The following GRAMD4 variants were observed in gnomAD, a reference collection of about 807,000 sequenced individuals.
GRAMD4 encodes GRAM domain-containing protein 4.
Under a neutral mutation model 83.9 loss-of-function variants are expected in GRAMD4, and 25 were observed. The ratio of observed to expected loss-of-function variants is 0.30; its 90% CI spans 0.22 to 0.42. The LOEUF is 0.42. Ranked by LOEUF, GRAMD4 falls within the 10% of genes least tolerant of loss-of-function variation. The pLI, the probability that GRAMD4 is intolerant of heterozygous loss-of-function variation, is 1.00. For missense variants in GRAMD4, 593 were observed against 788.7 expected (o/e 0.75, Z 2.97); for synonymous variants, 336 against 320.9 (o/e 1.05, Z -0.50).
chr22:46,654,452 G>A (rs1047065325), intron 3 of GRAMD4, among the ~76,000 whole-genome samples: 1 of 152,218 alleles, frequency 6.6e-6, no homozygotes, highest in African/African-American at 2.4e-5. Context: ...GGCGTGTGAT[G>A]ATTACCTGAG....
chr22:46,640,931 G>A (rs1420654318), intron 3 of GRAMD4, among the ~76,000 whole-genome samples: 2 of 151,158 alleles, frequency 1.3e-5, no homozygotes, highest in African/African-American at 2.4e-5. Context: ...CAAAAGCCAC[G>A]AGTCTAATAT....
In GRAMD4 at chr22:46,672,286, C is replaced by G. The variant is rs779765023; in HGVS notation, c.1085-557C>G. ...TGACAGTATCGGGGAGAAAACGGAGCTGGTGGAGGGGAACTTGCGAGGGCG... is the reference window on the plus strand; with the variant it reads ...TGACAGTATCGGGGAGAAAACGGAGGTGGTGGAGGGGAACTTGCGAGGGCG... On this transcript the variant is annotated intron_variant, in intron 13 of 18. Transcript: ENST00000406902. The surrounding 1 kb of genome is among the most constrained non-coding windows in gnomAD (Gnocchi z 4.7). Among the ~76,000 whole-genome samples the G allele has an allele frequency of 1.3e-5, 2 of 151,924 alleles. No individual in the cohort carries two copies. Among genetic ancestry groups the G allele is most frequent in the Non-Finnish European group, 2.9e-5 (2 of 67,992 alleles).
Position 46,656,178 on chromosome 22 carries a change from G to A in GRAMD4, c.284-2009G>A, listed in dbSNP as rs188885202. Reference sequence around the variant, plus strand: ...GGAGAAGGGCCGATCCCAGCGGGCCGGGGAGCAGGGCAGAGCTCCAGCACC... The same window carrying A: ...GGAGAAGGGCCGATCCCAGCGGGCCAGGGAGCAGGGCAGAGCTCCAGCACC... On this transcript the variant is annotated intron_variant, in intron 3 of 18. Transcript: ENST00000406902. 3.6e-3 allele frequency among the ~76,000 whole-genome samples: 549 copies of A among 152,350 alleles called. 1 individual carries two copies. Among genetic ancestry groups the A allele is most frequent in the Admixed American group, 8.4e-3 (128 of 15,304 alleles).
chr22:46,586,585 C>T (rs2081152224), intron 1 of GRAMD4, among the ~76,000 whole-genome samples: 1 of 152,208 alleles, frequency 6.6e-6, no homozygotes, highest in South Asian at 2.1e-4. Context: ...CCCCATGACA[C>T]AGAGACGAGG....
chr22:46,679,015 T>C lies in GRAMD4; in HGVS notation c.*1764T>C. 1.0e-6 allele frequency: 1 copy of C among 985,696 alleles called. No individual in the cohort carries two copies. The highest frequency in any genetic ancestry group is 5.2e-4 in the Middle Eastern group (1 of 1,916). The allele number at this position is 985,696 out of a possible 1,614,324, so 61.1% of individuals were successfully genotyped here. On this transcript the variant is annotated 3_prime_UTR_variant, in exon 19 of 19. Coordinates refer to ENST00000406902, the MANE Select transcript of GRAMD4 (RefSeq NM_015124.5). The stretch of plus-strand genomic sequence containing the variant: ...GGCTCCTGTAGGGGACTGGCTCTCT[T>C]GGTGCACCAGGGGAGGGGGACATAT...
At chr22:46,663,714 A>AG in intron 6 of GRAMD4, 124 bp from the exon 7 acceptor site, 1 of 915,762 alleles carries the variant, frequency 1.1e-6, no homozygotes, top group Non-Finnish European at 1.8e-6. Flanking sequence ...TGTGCACTCA[A>AG]GGGGTCCCAG....
intron 4 of GRAMD4, among the ~76,000 whole-genome samples, chr22:46,660,904 C>T (rs565127173): frequency 1.3e-5 from 2 of 151,894 alleles, no homozygotes; most frequent in East Asian, 3.9e-4. Context: ...CGGAAGCAGA[C>T]CCTAGTGGCC....
chr22:46,677,413 A>G lies in GRAMD4; in HGVS notation c.*162A>G, dbSNP rs1312568518. On this transcript the variant is annotated 3_prime_UTR_variant, in exon 19 of 19. Transcript: ENST00000406902. Reference sequence around the variant, plus strand: ...TTGTGTTGACCTCTGCGTTTTATCGACCAAGAAGGGGCCAGGGCTCACAGG... The same window carrying G: ...TTGTGTTGACCTCTGCGTTTTATCGGCCAAGAAGGGGCCAGGGCTCACAGG... 3.6e-6 allele frequency: 5 copies of G among 1,372,416 alleles called. No homozygotes were observed. In the East Asian group the frequency reaches 1.3e-4, roughly 36 times the overall value. The allele number at this position is 1,372,416 out of a possible 1,614,324, so 85.0% of individuals were successfully genotyped here. A position where few individuals can be genotyped will look rare whatever the true frequency, so the allele number is the denominator to read the frequency against.
chr22:46,577,679 C>T (rs2081057226), intron 1 of GRAMD4, among the ~76,000 whole-genome samples: 1 of 152,120 alleles, frequency 6.6e-6, no homozygotes, highest in Non-Finnish European at 1.5e-5. Context: ...TCCTGCCGAT[C>T]CACTCCCGGG....
intron 3 of GRAMD4, among the ~76,000 whole-genome samples, chr22:46,656,677 C>G (rs1251592428): frequency 6.6e-6 from 1 of 152,240 alleles, no homozygotes; most frequent in Non-Finnish European, 1.5e-5. Flanking sequence ...GGCCAGACCC[C>G]CAAGGGTTCC....
downstream of GRAMD4, among the ~76,000 whole-genome samples, chr22:46,680,677 TCCACCCACCTATTCATCCAC>T (rs2082661583): frequency 1.1e-5 from 1 of 94,628 alleles, no homozygotes; most frequent in Non-Finnish European, 2.2e-5. Context: ...CATCAATCCA[TCCACCCACCTATTCATCCAC>T]CCATCCATCC....
At chr22:46,578,240 G>A (rs2081064492) in intron 1 of GRAMD4, among the ~76,000 whole-genome samples, 1 of 152,190 alleles carries the variant, frequency 6.6e-6, no homozygotes, top group Non-Finnish European at 1.5e-5. Flanking sequence ...TCTCCTACAT[G>A]CCAAAAAGGA....
At chr22:46,653,072 G>T (rs1162120076) in intron 3 of GRAMD4, among the ~76,000 whole-genome samples, 1 of 152,256 alleles carries the variant, frequency 6.6e-6, no homozygotes, top group Non-Finnish European at 1.5e-5. Flanking sequence ...GAGAGCAGCG[G>T]TCAGACGCTC....
intron 1 of GRAMD4, among the ~76,000 whole-genome samples, chr22:46,593,430 G>C (rs1157807555): frequency 1.3e-5 from 2 of 152,136 alleles, no homozygotes; most frequent in African/African-American, 2.4e-5. Flanking sequence ...CCTCTTCTCC[G>C]CTGGGCCTGC....
Position 46,621,247 on chromosome 22 carries a change from G to A in GRAMD4, c.-50+682G>A, listed in dbSNP as rs561630979. 2.3e-3 allele frequency among the ~76,000 whole-genome samples: 354 copies of A among 152,112 alleles called. 1 individual carries two copies. Among genetic ancestry groups the A allele is most frequent in the Admixed American group, 4.2e-3 (65 of 15,296 alleles). ...CTGGAGCTATGCTCAGTGTGTAGAC[G>A]GGCCTTGGTTCCTGCATCTGTAAGT... On this transcript the variant is annotated intron_variant, in intron 1 of 18. Coordinates refer to ENST00000406902, the MANE Select transcript of GRAMD4 (RefSeq NM_015124.5). The surrounding 1 kb of genome is among the most constrained non-coding windows in gnomAD (Gnocchi z 5.8).
intron 1 of GRAMD4, among the ~76,000 whole-genome samples, chr22:46,595,214 G>A (rs955171586): frequency 6.6e-6 from 1 of 152,192 alleles, no homozygotes; most frequent in African/African-American, 2.4e-5. Context: ...GTGGGCGTGG[G>A]TACTAACTAC....
In GRAMD4 at chr22:46,603,304, T is replaced by C. The variant is rs545362511; in HGVS notation, c.-49-23447T>C. Among the ~76,000 whole-genome samples the C allele has an allele frequency of 2.2e-3, 313 of 141,636 alleles. 2 individuals are homozygous for C. Among genetic ancestry groups the C allele is most frequent in the African/African-American group, 7.9e-3 (295 of 37,356 alleles). The allele number at this position is 141,636 out of a possible 152,430, so 92.9% of individuals were successfully genotyped here. A position where few individuals can be genotyped will look rare whatever the true frequency, so the allele number is the denominator to read the frequency against. On this transcript the variant is annotated intron_variant, in intron 1 of 1. Coordinates refer to the GRAMD4 transcript ENST00000431155. ...CTCACTGCAAGCTCCGCCTCCTGGG[T>C]TTACACCATTCTCCTGCCTCAGCCT...
intron 1 of GRAMD4, among the ~76,000 whole-genome samples, chr22:46,605,282 T>C (rs2081354246): frequency 6.6e-6 from 1 of 152,248 alleles, no homozygotes; most frequent in Non-Finnish European, 1.5e-5. Context: ...ATGTCAGAAT[T>C]TCCTTCCTTT....
intron 16 of GRAMD4, 49 bp from the exon 17 acceptor site, chr22:46,675,419 G>A (rs374114839): frequency 5.7e-5 from 75 of 1,304,928 alleles, no homozygotes; most frequent in Middle Eastern, 1.8e-4. Context: ...TGGTGGGAGC[G>A]TGCTCTGGTT....
Sources: gnomAD v4.1 joint callset for allele counts (sites outside exome capture counted in the v4.1 genomes callset) on GRCh38, gnomAD v4.1.1 for gene constraint, Gnocchi (gnomAD v3.1) non-coding constraint, MANE v1.5 for transcripts, NCBI Gene and HGNC (gene_info 2026-07-23, HGNC 2026-07-21) for gene names.